The following GNGT2 variants were observed in gnomAD, a reference collection of about 807,000 sequenced individuals.
The protein encoded by GNGT2 is guanine nucleotide-binding protein G(I)/G(S)/G(O) subunit gamma-T2.
A neutral mutation model predicts 3.5 loss-of-function variants in GNGT2; 4 were observed. That is an observed-to-expected ratio of 1.13 (90% CI 0.56 to 2.59). GNGT2 has a LOEUF of 2.59. GNGT2 is among the 30% of genes most tolerant of loss of function. GNGT2 has a pLI of 0.02. For missense variants in GNGT2, 64 were observed against 81.2 expected (o/e 0.79, Z 0.82); for synonymous variants, 31 against 29.5 (o/e 1.05, Z -0.17).
At chr17:49,207,841 A>G (rs902345010) in intron 2 of GNGT2, among the ~76,000 whole-genome samples, 1 of 152,218 alleles carries the variant, frequency 6.6e-6, no homozygotes, top group African/African-American at 2.4e-5. Flanking sequence ...CTCCAGGTCC[A>G]GCAAGGGAGA....
chr17:49,206,996 G>T, intron 3 of GNGT2, 114 bp from the exon 4 acceptor site: 1 of 1,080,896 alleles, frequency 9.3e-7, no homozygotes, highest in Non-Finnish European at 1.4e-6. Flanking sequence ...CCAAAGAGGA[G>T]AAAGACACAG....
chr17:49,207,396 G>A lies in GNGT2; in HGVS notation c.27C>T (p.Asp9=). The A allele has an allele frequency of 1.2e-6, 2 of 1,613,548 alleles. No individual in the cohort carries two copies. The highest frequency in any genetic ancestry group is 1.1e-5 in the South Asian group (1 of 91,064). The change falls in exon 3 of 4, where the codon GAC becomes GAT. Residue 9 remains aspartate, a synonymous_variant. Coordinates refer to ENST00000507680, the MANE Select transcript of GNGT2 (RefSeq NM_001198754.2). MAQDLSEK[D]LLKMEVEQLK... ...GCTGCTCCACCTCCATCTTCAACAG[G>A]TCCTTCTCGCTGAGATCCTGGGCCA...
chr17:49,206,921 G>C, intron 3 of GNGT2, 39 bp from the exon 4 acceptor site: 1 of 1,612,136 alleles, frequency 6.2e-7, no homozygotes, highest in Non-Finnish European at 8.5e-7. Flanking sequence ...CCTTGTTACT[G>C]TCTCTGGGTC....
chr17:49,208,488 G>A (rs1036466910), intron 2 of GNGT2, among the ~76,000 whole-genome samples: 2 of 151,070 alleles, frequency 1.3e-5, no homozygotes, highest in Non-Finnish European at 3.0e-5. Context: ...GAGAGAGAGA[G>A]ACAAGGGGGT....
At chr17:49,209,580 A>G (rs766201738) in intron 1 of GNGT2, among the ~76,000 whole-genome samples, 45 of 152,126 alleles carry the variant, frequency 3.0e-4, no homozygotes, top group Non-Finnish European at 6.2e-4. Flanking sequence ...GGGCTATGCC[A>G]TTTAACAGAC....
rs2043117068 is a variant in GNGT2 at position 49,207,428 on chromosome 17, C to T, written c.-6G>A. 6.3e-7 allele frequency: 1 copy of T among 1,587,306 alleles called. No homozygotes were observed. Among genetic ancestry groups the T allele is most frequent in the Non-Finnish European group, 8.7e-7 (1 of 1,155,598 alleles). ...TCGCTGAGATCCTGGGCCATCCTGC[C>T]CTAGACAGACCTGATCCTGGAAAGG... is the stretch of plus-strand genomic sequence containing the variant. On this transcript the variant is annotated 5_prime_UTR_variant, in exon 3 of 4. Coordinates refer to ENST00000507680, the MANE Select transcript of GNGT2 (RefSeq NM_001198754.2).
chr17:49,209,682 C>T (rs2043140905), intron 1 of GNGT2, among the ~76,000 whole-genome samples: 1 of 152,254 alleles, frequency 6.6e-6, no homozygotes, highest in Admixed American at 6.5e-5. Context: ...AATGGGAGGT[C>T]CTCTTATTCT....
intron 2 of GNGT2, 49 bp from the exon 3 acceptor site, chr17:49,207,493 G>C (rs2043117664): frequency 2.0e-6 from 2 of 1,019,994 alleles, no homozygotes; most frequent in Non-Finnish European, 3.1e-6. Flanking sequence ...AGCTCTTCCA[G>C]CTCCCTCCAC....
intron 2 of GNGT2, among the ~76,000 whole-genome samples, chr17:49,208,386 A>C (rs958231072): frequency 2.0e-5 from 3 of 150,088 alleles, no homozygotes; most frequent in Non-Finnish European, 3.0e-5. Context: ...ACTTGAACCC[A>C]GAAGACGGAG....
chr17:49,206,749 C>G lies in GNGT2; in HGVS notation c.*8G>C, dbSNP rs773268505. 6.2e-7 allele frequency: 1 copy of G among 1,611,606 alleles called. No homozygotes were observed. Among genetic ancestry groups the G allele is most frequent in the Admixed American group, 1.7e-5 (1 of 59,450 alleles). ...AGGGACAGACACTCAGGGCAGGGCT[C>G]CATGCCATCAGCTTATCAGACAGCC... On this transcript the variant is annotated 3_prime_UTR_variant, in exon 4 of 4. Coordinates refer to ENST00000507680, the MANE Select transcript of GNGT2 (RefSeq NM_001198754.2).
chr17:49,206,543 C>T lies in GNGT2; in HGVS notation c.*214G>A. 1 of 543,906 alleles carries T rather than the reference C, an allele frequency of 1.8e-6. No homozygotes were observed. 33.7% of individuals were successfully genotyped at this position (543,906 alleles called of 1,614,324 possible). ...CCAGCCACACTGTCCTCAGAGTGTT[C>T]CCAGCAAGGTCAGCAGAGACCCAGC... On this transcript the variant is annotated 3_prime_UTR_variant, in exon 4 of 4. Transcript: ENST00000507680.
Position 49,207,334 on chromosome 17 carries a change from C to A in GNGT2, c.84+5G>T. The A allele has an allele frequency of 1.2e-6, 2 of 1,603,656 alleles. No individual in the cohort carries two copies. The highest frequency in any genetic ancestry group is 2.2e-5 in the South Asian group (2 of 90,888). On this transcript the variant is annotated splice_donor_5th_base_variant and intron_variant, in intron 3 of 3. Transcript: ENST00000507680. ...GAAGAGCAGGGACGGGGCGAGGAGGCTCACCGGAATTCTTGTGTTTTTCAC... is the reference window on the plus strand; with the variant it reads ...GAAGAGCAGGGACGGGGCGAGGAGGATCACCGGAATTCTTGTGTTTTTCAC...
At chr17:49,206,996 G>A in intron 3 of GNGT2, 114 bp from the exon 4 acceptor site, 3 of 1,080,898 alleles carry the variant, frequency 2.8e-6, no homozygotes, top group Non-Finnish European at 4.2e-6. Flanking sequence ...CCAAAGAGGA[G>A]AAAGACACAG....
chr17:49,207,132 C>A (rs544737995), intron 3 of GNGT2, among the ~76,000 whole-genome samples: 2 of 152,228 alleles, frequency 1.3e-5, no homozygotes, highest in Non-Finnish European at 2.9e-5. Flanking sequence ...CTCTCCAAGG[C>A]CCTGAAGCTC....
intron 3 of GNGT2, 43 bp from the exon 4 acceptor site, chr17:49,206,925 C>T (rs1370542423): frequency 1.2e-6 from 2 of 1,612,176 alleles, no homozygotes; most frequent in Non-Finnish European, 1.7e-6. Context: ...GTTACTGTCT[C>T]TGGGTCCATG....
At chr17:49,207,286 G>T in intron 3 of GNGT2, 53 bp downstream of exon 3, 1 of 1,300,386 alleles carries the variant, frequency 7.7e-7, no homozygotes, top group Non-Finnish European at 1.1e-6. Context: ...CCTCCTTCCC[G>T]GGGCTCATCA....
intron 1 of GNGT2, among the ~76,000 whole-genome samples, chr17:49,209,926 G>A (rs2072152): frequency 0.031 from 4,757 of 152,194 alleles, 242 homozygotes; most frequent in East Asian, 0.22. Context: ...TCCTAAAACC[G>A]CAAGTTGATC....
Position 49,206,288 on chromosome 17 carries a change from C to T in GNGT2, c.*469G>A, listed in dbSNP as rs2043106379. 2 of 155,254 alleles carry T rather than the reference C, an allele frequency of 1.3e-5. No homozygotes were observed. Among genetic ancestry groups the T allele is most frequent in the Admixed American group, 1.3e-4 (2 of 15,312 alleles). The allele number at this position is 155,254 out of a possible 1,614,324, so 9.6% of individuals were successfully genotyped here. On this transcript the variant is annotated 3_prime_UTR_variant, in exon 4 of 4. Transcript: ENST00000507680. ...AGGCCATCTGGGGTGATCTAAATGA[C>T]TAGGAACAGGACCATAGGGTAGGAC...
intron 3 of GNGT2, 125 bp downstream of exon 3, chr17:49,207,214 C>T (rs1412893472): frequency 1.3e-6 from 1 of 798,236 alleles, no homozygotes. Context: ...TACCCCATCC[C>T]AGAGGTACCT....
Sources: gnomAD v4.1 joint callset for allele counts (sites outside exome capture counted in the v4.1 genomes callset) on GRCh38, gnomAD v4.1.1 for gene constraint, MANE v1.5 for transcripts, NCBI Gene and HGNC (gene_info 2026-07-23, HGNC 2026-07-21) for gene names.